The following PLEKHO2 variants were observed in gnomAD, a reference collection of about 807,000 sequenced individuals.
The protein encoded by PLEKHO2 is pleckstrin homology domain-containing family O member 2.
Under a neutral mutation model 32.7 loss-of-function variants are expected in PLEKHO2, and 20 were observed. The observed-to-expected ratio is 0.61, with a 90% CI of 0.43 to 0.89. PLEKHO2 has a LOEUF of 0.89. Among genes scored for constraint, PLEKHO2 ranks in the 40% least tolerant of loss-of-function variants. The pLI, the probability that PLEKHO2 is intolerant of heterozygous loss-of-function variation, is 0.00. For synonymous variants in PLEKHO2, 247 were observed against 246.3 expected (o/e 1.00, Z -0.03); for missense variants, 568 against 621.2 (o/e 0.91, Z 0.91).
In PLEKHO2 at chr15:64,862,500, G is replaced by C. The variant is rs75924514; in HGVS notation, c.483+925G>C. 7.8e-3 allele frequency among the ~76,000 whole-genome samples: 1,184 copies of C among 152,208 alleles called. 10 individuals carry two copies. The highest frequency in any genetic ancestry group is 0.027 in the African/African-American group (1,137 of 41,502). On this transcript the variant is annotated intron_variant, in intron 5 of 5. Transcript: ENST00000323544. Reference sequence around the variant, plus strand: ...TGGAGAGGGTATGGGCAATGGGGAGGGGGGAAGGGAGGAGACTCTTTTAGA... The same window carrying C: ...TGGAGAGGGTATGGGCAATGGGGAGCGGGGAAGGGAGGAGACTCTTTTAGA...
At chr15:64,844,187 C>G (rs903792143) in intron 1 of PLEKHO2, among the ~76,000 whole-genome samples, 2 of 152,232 alleles carry the variant, frequency 1.3e-5, no homozygotes, top group South Asian at 4.1e-4. Context: ...TTTCAGCCCT[C>G]CTGCTAGCTT....
chr15:64,865,612 G>A lies in PLEKHO2; in HGVS notation c.1197G>A (p.Pro399=), dbSNP rs768414225. 4.3e-6 allele frequency: 7 copies of A among 1,614,124 alleles called. No individual in the cohort carries two copies. The highest frequency in any genetic ancestry group is 3.3e-5 in the South Asian group (3 of 91,092). ...SSLGDLLGEG[P]RHPLQPRERL... ...TTGGGGACTTGCTTGGGGAAGGCCC[G>A]CGGCATCCCTTGCAGCCCAGGGAAC... Residue 399 remains proline, a synonymous_variant, in exon 6 of 6, where the codon CCG becomes CCA. Transcript: ENST00000323544.
intron 3 of PLEKHO2, among the ~76,000 whole-genome samples, chr15:64,858,743 T>A (rs553637004): frequency 6.6e-6 from 1 of 152,286 alleles, no homozygotes; most frequent in South Asian, 2.1e-4. Context: ...TATATCTTTT[T>A]TCCCTCAATT....
Position 64,865,235 on chromosome 15 carries a change from T to G in PLEKHO2, c.820T>G (p.Trp274Gly). 1 of 1,614,150 alleles carries G rather than the reference T, an allele frequency of 6.2e-7. No individual in the cohort carries two copies. Among genetic ancestry groups the G allele is most frequent in the Non-Finnish European group, 8.5e-7 (1 of 1,180,022 alleles). ...CCTGCCTGACAAACTGAAGGTGAGC[T>G]GGGAGAACCCCAGCCCCCAGGAGGC... ...SVLPDKLKVS[W>G]ENPSPQEAPA... Residue 274 changes from tryptophan to glycine, a missense_variant, in exon 6 of 6, where the codon TGG (tryptophan) becomes GGG (glycine). By Grantham distance (184) the Trp-to-Gly change is radical. Transcript: ENST00000323544.
In PLEKHO2 at chr15:64,865,943, G is replaced by A; in HGVS notation, c.*55G>A. On this transcript the variant is annotated 3_prime_UTR_variant, in exon 6 of 6. Coordinates refer to ENST00000323544, the MANE Select transcript of PLEKHO2 (RefSeq NM_025201.5). ...CTGGCCATCCATCAAGTCCATCAAGGCCCAGCCCTGCTGAGAAATGTGCTT... is the reference window on the plus strand; with the variant it reads ...CTGGCCATCCATCAAGTCCATCAAGACCCAGCCCTGCTGAGAAATGTGCTT... The A allele has an allele frequency of 1.3e-6, 2 of 1,541,996 alleles. No individual in the cohort carries two copies. The highest frequency in any genetic ancestry group is 1.9e-5 in the Admixed American group (1 of 53,002).
intron 2 of PLEKHO2, among the ~76,000 whole-genome samples, chr15:64,853,725 C>A (rs966409178): frequency 6.6e-6 from 1 of 151,980 alleles, no homozygotes; most frequent in Non-Finnish European, 1.5e-5. Flanking sequence ...TGGAAAGGGC[C>A]CTGGCCTGGG....
chr15:64,866,045 G>T lies in PLEKHO2; in HGVS notation c.*157G>T. The T allele has an allele frequency of 1.1e-5, 11 of 987,802 alleles. No individual in the cohort carries two copies. The highest frequency in any genetic ancestry group is 1.6e-5 in the Non-Finnish European group (11 of 690,116). The allele number at this position is 987,802 out of a possible 1,614,324, so 61.2% of individuals were successfully genotyped here. The stretch of plus-strand genomic sequence containing the variant: ...GCCATGACCCGAAGAGACTCCTGGC[G>T]TCCTTCCTACTCTGCTCTGGCCAGT... On this transcript the variant is annotated 3_prime_UTR_variant, in exon 6 of 6. Transcript: ENST00000323544.
In PLEKHO2 at chr15:64,866,363, C is replaced by T. The variant is rs71396439; in HGVS notation, c.*475C>T. ...ATGGCTAAGGCAGCCTCAAAGCCAG[C>T]CCCTCCTCCCACCTATTCTGAGTAG... On this transcript the variant is annotated 3_prime_UTR_variant, in exon 6 of 6. Coordinates refer to ENST00000323544, the MANE Select transcript of PLEKHO2 (RefSeq NM_025201.5). 4,423 of 456,802 alleles carry T rather than the reference C, an allele frequency of 9.7e-3. 34 individuals carry two copies. Among genetic ancestry groups the T allele is most frequent in the Non-Finnish European group, 0.015 (3,319 of 227,344 alleles). 28.3% of individuals were successfully genotyped at this position (456,802 alleles called of 1,614,324 possible). A position where few individuals can be genotyped will look rare whatever the true frequency, so the allele number is the denominator to read the frequency against.
At chr15:64,842,077 C>T (rs1284627058) in intron 1 of PLEKHO2, 49 bp downstream of exon 1, 4 of 1,229,948 alleles carry the variant, frequency 3.3e-6, no homozygotes, top group African/African-American at 3.1e-5. Flanking sequence ...TCGAGCCCCT[C>T]ACGGGGATTG....
rs551855812 is a variant in PLEKHO2, at chr15:64,850,240, A to G, written c.162+1498A>G. 1.9e-3 allele frequency among the ~76,000 whole-genome samples: 296 copies of G among 152,232 alleles called. 1 individual carries two copies. The highest frequency in any genetic ancestry group is 6.3e-3 in the African/African-American group (262 of 41,532). ...ACATATCTCCCTATGACAAATTGCA[A>G]TAGTCCCATGAGAGTGGTCTTCATG... is the stretch of plus-strand genomic sequence containing the variant. On this transcript the variant is annotated intron_variant, in intron 2 of 5. Transcript: ENST00000323544.
rs185316699 is a variant in PLEKHO2 at position 64,863,931 on chromosome 15, C to T, written c.484-968C>T. Among the ~76,000 whole-genome samples the T allele has an allele frequency of 1.8e-3, 279 of 152,178 alleles. 1 individual carries two copies. The highest frequency in any genetic ancestry group is 5.9e-3 in the African/African-American group (245 of 41,524). ...GCTAATTTTGTATTTTTAGTAGAGA[C>T]GGGGTTTCTCCATGTTGCTCAGGCT... On this transcript the variant is annotated intron_variant, in intron 5 of 5. Transcript: ENST00000323544.
rs753275660 is a variant in PLEKHO2, at chr15:64,854,987, C to T, written c.229C>T (p.Leu77Phe). The T allele has an allele frequency of 2.7e-5, 43 of 1,606,608 alleles. No homozygotes were observed. Among genetic ancestry groups the T allele is most frequent in the Non-Finnish European group, 3.4e-5 (40 of 1,176,686 alleles). The change falls in exon 3 of 6, where the codon CTC (leucine) becomes TTC (phenylalanine). Residue 77 changes from leucine (L) to phenylalanine (F), a missense_variant. By Grantham distance (22) the Leu-to-Phe change is conservative (BLOSUM62 0). Transcript: ENST00000323544. ...TGAGAAGTGCCAGGACCTTCGTGCC[C>T]TCCTCAAGCGAAAACACCGCTTTAT... ...SYEKCQDLRA[L>F]LKRKHRFILL... is the part of the protein sequence containing the mutation.
At chr15:64,846,133 C>T (rs1222034314) in intron 1 of PLEKHO2, among the ~76,000 whole-genome samples, 1 of 152,030 alleles carries the variant, frequency 6.6e-6, no homozygotes, top group Non-Finnish European at 1.5e-5. Flanking sequence ...CTGCAGGGCT[C>T]GCTGAAGTAG....
chr15:64,863,207 A>T (rs2084655080), intron 5 of PLEKHO2, among the ~76,000 whole-genome samples: 4 of 152,090 alleles, frequency 2.6e-5, no homozygotes, highest in African/African-American at 9.7e-5. Flanking sequence ...AAGTGCTGGG[A>T]TTACAGGCGT....
chr15:64,857,324 A>T (rs966025529), intron 3 of PLEKHO2, among the ~76,000 whole-genome samples: 1 of 151,922 alleles, frequency 6.6e-6, no homozygotes, highest in Non-Finnish European at 1.5e-5. Flanking sequence ...TTTTGGGGAG[A>T]GGCACAGCTT....
chr15:64,865,004 C>T lies in PLEKHO2; in HGVS notation c.589C>T (p.Arg197Trp), dbSNP rs192226449. The T allele has an allele frequency of 7.4e-4, 1,201 of 1,614,162 alleles. 10 individuals are homozygous for T. In the Admixed American group the frequency reaches 0.018, roughly 24 times the overall value. The change falls in exon 6 of 6, where the codon CGG (arginine) becomes TGG (tryptophan). Residue 197 changes from arginine (R) to tryptophan (W), a missense_variant. By Grantham distance (101) the Arg-to-Trp change is moderately radical. Transcript: ENST00000323544. ...CAATCATGTCAGTGAAGCCCAACCT[C>T]GGGAGACACCCCGGCCCCTCATGCC... The part of the protein sequence containing the change: ...PSNHVSEAQP[R>W]ETPRPLMPPT...
intron 5 of PLEKHO2, among the ~76,000 whole-genome samples, chr15:64,862,777 TC>T (rs2084651725): frequency 6.6e-6 from 1 of 152,148 alleles, no homozygotes; most frequent in Non-Finnish European, 1.5e-5. Context: ...TTCTTTCTTT[TC>T]TTTTTTTTAT....
In PLEKHO2 at chr15:64,841,931, C is replaced by T. The variant is rs2084486575; in HGVS notation, c.-86C>T. ...CGGCGGGACAGAACGCGGAGAGTCG[C>T]CGCCTGGCCGGGCGTAGACGCGGTG... On this transcript the variant is annotated 5_prime_UTR_variant, in exon 1 of 6. Transcript: ENST00000323544. 1.6e-6 allele frequency: 2 copies of T among 1,217,012 alleles called. No homozygotes were observed. The highest frequency in any genetic ancestry group is 3.9e-5 in the South Asian group (1 of 25,634). The allele number at this position is 1,217,012 out of a possible 1,614,324, so 75.4% of individuals were successfully genotyped here.
At chr15:64,864,310 G>C (rs2084666384) in intron 5 of PLEKHO2, among the ~76,000 whole-genome samples, 1 of 152,136 alleles carries the variant, frequency 6.6e-6, no homozygotes. Flanking sequence ...TGAGGAGAGT[G>C]GGCACAGGCT....
Sources: allele counts gnomAD v4.1 joint callset (sites outside exome capture counted in the v4.1 genomes callset), GRCh38; gene constraint gnomAD v4.1.1; transcripts MANE v1.5; gene names NCBI Gene and HGNC (gene_info 2026-07-23, HGNC 2026-07-21).